The following GMDS variants were observed in gnomAD, a reference collection of about 807,000 sequenced individuals.
GMDS encodes the protein GDP-mannose 4,6-dehydratase.
In GMDS, 20 loss-of-function variants were observed where a neutral mutation model predicts 49.9. The ratio of observed to expected loss-of-function variants is 0.40; its 90% CI spans 0.28 to 0.58. The LOEUF is 0.58. Ranked by LOEUF, GMDS falls within the 20% of genes least tolerant of loss-of-function variation. GMDS has a pLI of 0.42. For missense variants in GMDS, 362 were observed against 481.4 expected (o/e 0.75, Z 2.32); for synonymous variants, 177 against 178.6 (o/e 0.99, Z 0.07).
chr6:1,675,365 C>T (rs1395688135), intron 9 of GMDS, among the ~76,000 whole-genome samples: 5 of 150,886 alleles, frequency 3.3e-5, no homozygotes, highest in Non-Finnish European at 7.4e-5. Flanking sequence ...CTATATAGAC[C>T]ATTATGTCAC....
chr6:1,767,804 A>T (rs1768416704), intron 7 of GMDS, among the ~76,000 whole-genome samples: 2 of 152,212 alleles, frequency 1.3e-5, no homozygotes, highest in Admixed American at 1.3e-4. Flanking sequence ...AGCATGAGAT[A>T]ACTTTGGACT....
At chr6:1,897,610 A>G (rs1334858369) in intron 7 of GMDS, among the ~76,000 whole-genome samples, 1 of 152,212 alleles carries the variant, frequency 6.6e-6, no homozygotes, top group Admixed American at 6.5e-5. Flanking sequence ...AAGACTGAAA[A>G]TGAGTGGCCA....
At chr6:2,095,841 A>G (rs1198411296) in intron 4 of GMDS, among the ~76,000 whole-genome samples, 2 of 152,176 alleles carry the variant, frequency 1.3e-5, no homozygotes, top group African/African-American at 4.8e-5. Flanking sequence ...AAAGACATCC[A>G]CCAATTGTGG....
At chr6:1,705,782 A>G (rs1475256258) in intron 9 of GMDS, among the ~76,000 whole-genome samples, 1 of 152,126 alleles carries the variant, frequency 6.6e-6, no homozygotes, top group Non-Finnish European at 1.5e-5. Flanking sequence ...CTGAGACCTG[A>G]GGGAGGAGGA....
chr6:1,758,582 T>A (rs145265113), intron 7 of GMDS, among the ~76,000 whole-genome samples: 2 of 152,316 alleles, frequency 1.3e-5, no homozygotes, highest in African/African-American at 4.8e-5. Context: ...TCTGGAAGAT[T>A]AGAACGCAGG....
chr6:1,774,979 C>T (rs960805092), intron 7 of GMDS, among the ~76,000 whole-genome samples: 3 of 152,160 alleles, frequency 2.0e-5, no homozygotes, highest in Non-Finnish European at 4.4e-5. Flanking sequence ...GGAGCCTGCT[C>T]GATGGCCTCC....
At chr6:1,997,298 A>C (rs1478262642) in intron 4 of GMDS, among the ~76,000 whole-genome samples, 1 of 152,012 alleles carries the variant, frequency 6.6e-6, no homozygotes, top group African/African-American at 2.4e-5. Flanking sequence ...TCACGAGGTC[A>C]GGAGACGGAA....
chr6:2,109,763 G>A (rs1167205897), intron 4 of GMDS, among the ~76,000 whole-genome samples: 3 of 152,158 alleles, frequency 2.0e-5, no homozygotes, highest in East Asian at 1.9e-4. Context: ...ATGTCTCCCC[G>A]CTGCATCCTC....
intron 7 of GMDS, among the ~76,000 whole-genome samples, chr6:1,813,942 A>G (rs900733155): frequency 2.6e-5 from 4 of 152,192 alleles, no homozygotes; most frequent in Non-Finnish European, 5.9e-5. Context: ...CCTGAATTGT[A>G]AAATCTAATT....
rs5873811 is a variant in GMDS at position 1,743,542 on chromosome 6, C to CAA, written c.772-958_772-957dup. Reference sequence around the variant, plus strand: ...TGGACGACAGAACCAGACTCCATCTCAAAAAAAAAAAAAAAAAATGGATGT... The same window carrying CAA: ...TGGACGACAGAACCAGACTCCATCTCAAAAAAAAAAAAAAAAAAAATGGATGT... On this transcript the variant is annotated intron_variant, in intron 7 of 10. Coordinates refer to ENST00000380815, the MANE Select transcript of GMDS (RefSeq NM_001500.4). Among the ~76,000 whole-genome samples the CAA allele has an allele frequency of 3.5e-3, 406 of 117,270 alleles. 5 individuals carry two copies. The highest frequency in any genetic ancestry group is 0.013 in the African/African-American group (387 of 29,336). The allele number at this position is 117,270 out of a possible 152,430, so 76.9% of individuals were successfully genotyped here.
rs530523795 is a variant in GMDS at position 2,138,199 on chromosome 6, A to G, written c.103-13468T>C. Among the ~76,000 whole-genome samples the G allele has an allele frequency of 1.7e-3, 261 of 152,372 alleles. 1 individual carries two copies. Among genetic ancestry groups the G allele is most frequent in the African/African-American group, 4.0e-3 (167 of 41,590 alleles). ...TCTTAAAGTCTGTATTAATCGGACA[A>G]TGGATCATCATACTGTATAACTTAC... On this transcript the variant is annotated intron_variant, in intron 1 of 10. Transcript: ENST00000380815.
intron 4 of GMDS, among the ~76,000 whole-genome samples, chr6:2,062,280 A>C (rs1353172910): frequency 1.3e-5 from 2 of 152,192 alleles, no homozygotes; most frequent in Non-Finnish European, 1.5e-5. Flanking sequence ...CTTCTGGGGC[A>C]TTGTCTCCCT....
chr6:1,994,521 G>A (rs1325366781), intron 4 of GMDS, among the ~76,000 whole-genome samples: 1 of 152,128 alleles, frequency 6.6e-6, no homozygotes, highest in Non-Finnish European at 1.5e-5. Flanking sequence ...ACTGTGCTGA[G>A]TTTGGGAACA....
intron 9 of GMDS, among the ~76,000 whole-genome samples, chr6:1,672,649 A>G (rs1274217346): frequency 6.6e-6 from 1 of 152,242 alleles, no homozygotes. Flanking sequence ...ACCCGGGAGT[A>G]CAGAGAGAAA....
At chr6:1,719,068 G>C (rs1766274600) in intron 9 of GMDS, among the ~76,000 whole-genome samples, 1 of 152,136 alleles carries the variant, frequency 6.6e-6, no homozygotes, top group African/African-American at 2.4e-5. Flanking sequence ...TTGCTATTAA[G>C]GACAGTTCCT....
chr6:2,141,130 A>C (rs754343192), intron 1 of GMDS, among the ~76,000 whole-genome samples: 11 of 152,226 alleles, frequency 7.2e-5, no homozygotes, highest in Non-Finnish European at 1.0e-4. Flanking sequence ...AATAACAAAA[A>C]ATGAGCTACA....
rs574826872 is a variant in GMDS, at chr6:1,680,621, C to T, written c.987+45795G>A. 3.9e-5 allele frequency among the ~76,000 whole-genome samples: 6 copies of T among 152,270 alleles called. No homozygotes were observed. The South Asian group carries it at 1.0e-3, about 26-fold the overall frequency. On this transcript the variant is annotated intron_variant, in intron 9 of 10. Coordinates refer to ENST00000380815, the MANE Select transcript of GMDS (RefSeq NM_001500.4). ...ACACGCAAGGTCATACTGCTGAGGC[C>T]CTTTGAGATCCTCGAGTTAAAGGGG...
chr6:2,202,840 G>A (rs556730052), intron 1 of GMDS, among the ~76,000 whole-genome samples: 7 of 152,280 alleles, frequency 4.6e-5, no homozygotes, highest in South Asian at 2.1e-4. Context: ...GAGCAGAGAC[G>A]GAAACAAAGA....
chr6:1,683,602 T>C (rs570688655), intron 9 of GMDS, among the ~76,000 whole-genome samples: 3 of 152,202 alleles, frequency 2.0e-5, no homozygotes, highest in Non-Finnish European at 4.4e-5. Context: ...CCTCATGGCT[T>C]TCAAGGATGA....
Sources: allele counts gnomAD v4.1 joint callset (sites outside exome capture counted in the v4.1 genomes callset), GRCh38; gene constraint gnomAD v4.1.1; transcripts MANE v1.5; gene names NCBI Gene and HGNC (gene_info 2026-07-23, HGNC 2026-07-21).